The following ARHGAP24 variants were observed in gnomAD, a reference collection of about 807,000 sequenced individuals.
ARHGAP24 encodes Rho GTPase activating protein 24, also known as rho GTPase-activating protein 24.
ARHGAP24 carries 50 observed loss-of-function variants against 76.4 expected under a neutral mutation model. The observed-to-expected ratio is 0.65, with a 90% CI of 0.52 to 0.83. ARHGAP24 has a LOEUF of 0.83. ARHGAP24 is among the 40% of genes least tolerant of loss of function. ARHGAP24 has a pLI of 0.00. For synonymous variants in ARHGAP24, 345 were observed against 323.3 expected, an observed-to-expected ratio of 1.07 and a Z score of -0.72; for missense variants, 930 against 914.2, an observed-to-expected ratio of 1.02 and a Z score of -0.22.
chr4:85,991,514 A>G (rs1740320216), intron 8 of ARHGAP24: 1 of 152,176 alleles, frequency 6.6e-6, no homozygotes, highest in African/African-American at 2.4e-5. Context: ...AAGTAATACT[A>G]TTTGACAATA....
At chr4:85,690,932 G>C (rs1053690736) in intron 2 of ARHGAP24, among the ~76,000 whole-genome samples, 1 of 151,732 alleles carries the variant, frequency 6.6e-6, no homozygotes, top group Non-Finnish European at 1.5e-5. Flanking sequence ...TTAGGTGCAA[G>C]GTAAGGTTGC....
chr4:85,814,194 G>T (rs1462814975), intron 3 of ARHGAP24, among the ~76,000 whole-genome samples: 2 of 152,072 alleles, frequency 1.3e-5, no homozygotes, highest in African/African-American at 4.8e-5. Flanking sequence ...TGAGATTTGG[G>T]TAGGGATACA....
intron 1 of ARHGAP24, among the ~76,000 whole-genome samples, chr4:85,539,976 C>A (rs2110122082): frequency 6.6e-6 from 1 of 152,030 alleles, no homozygotes; most frequent in East Asian, 1.9e-4. Flanking sequence ...ACCCAGGAGG[C>A]AGAGGTTGCA....
intron 2 of ARHGAP24, among the ~76,000 whole-genome samples, chr4:85,686,850 C>A (rs1017404214): frequency 6.9e-6 from 1 of 144,814 alleles, no homozygotes; most frequent in Non-Finnish European, 1.6e-5. Context: ...GTAAATTAGT[C>A]TTCTCTGCTT....
chr4:85,909,639 T>TG (rs1015010154), intron 3 of ARHGAP24, among the ~76,000 whole-genome samples: 10 of 152,202 alleles, frequency 6.6e-5, no homozygotes, highest in Admixed American at 5.9e-4. Context: ...GTTCATTAAG[T>TG]GTTAATTAAT....
chr4:85,639,171 A>G lies in ARHGAP24; in HGVS notation c.180+68450A>G, dbSNP rs566013374. 5.3e-5 allele frequency among the ~76,000 whole-genome samples: 8 copies of G among 152,292 alleles called. No individual in the cohort carries two copies. The South Asian group carries it at 8.3e-4, about 16-fold the overall frequency. ...TGTAGCCCATGAAATTGAGAATCAG[A>G]TATGACCACTATTTCTTTAATCACA... On this transcript the variant is annotated intron_variant, in intron 2 of 9. Transcript: ENST00000395184.
chr4:85,494,173 A>G (rs1328946297), intron 1 of ARHGAP24, among the ~76,000 whole-genome samples: 1 of 152,158 alleles, frequency 6.6e-6, no homozygotes, highest in Non-Finnish European at 1.5e-5. Context: ...TTTCTTCTAA[A>G]AAAATGGTAT....
chr4:85,813,818 T>TTTTATATATATATATATATATATA (rs1553932187), intron 3 of ARHGAP24, among the ~76,000 whole-genome samples: 7 of 137,160 alleles, frequency 5.1e-5, no homozygotes, highest in African/African-American at 1.4e-4. Context: ...TATATTTATT[T>TTTTATATATATATATATATATATA]TATATATATA....
chr4:85,916,310 T>C (rs757015926), intron 3 of ARHGAP24, among the ~76,000 whole-genome samples: 8 of 152,192 alleles, frequency 5.3e-5, no homozygotes, highest in Non-Finnish European at 1.2e-4. Flanking sequence ...TTCTGGATAT[T>C]AGCCCTTCAT....
rs1031854244 is a variant in ARHGAP24 at position 86,001,662 on chromosome 4, C to G, written c.*940C>G. ...GAGCACCTGTCTCCCACTCAAACCT[C>G]TCCCATCTCCCAACAACTGCACTTT... On this transcript the variant is annotated 3_prime_UTR_variant, in exon 10 of 10. Transcript: ENST00000395184. 1 of 380,826 alleles carries G rather than the reference C, an allele frequency of 2.6e-6. No individual in the cohort carries two copies. The highest frequency in any genetic ancestry group is 3.7e-5 in the East Asian group (1 of 26,760). 23.6% of individuals were successfully genotyped at this position (380,826 alleles called of 1,614,324 possible).
chr4:85,670,562 C>A (rs1478618841), intron 2 of ARHGAP24, among the ~76,000 whole-genome samples: 1 of 152,148 alleles, frequency 6.6e-6, no homozygotes, highest in East Asian at 1.9e-4. Context: ...TGTCTCTTTT[C>A]TTGGAGAATG....
chr4:85,885,507 A>T (rs1733515042), intron 3 of ARHGAP24, among the ~76,000 whole-genome samples: 1 of 152,046 alleles, frequency 6.6e-6, no homozygotes, highest in African/African-American at 2.4e-5. Context: ...TAGAATCTTC[A>T]AGGTCGTCTT....
At chr4:85,878,495 G>T (rs897582663) in intron 3 of ARHGAP24, among the ~76,000 whole-genome samples, 1 of 152,000 alleles carries the variant, frequency 6.6e-6, no homozygotes. Context: ...AGAAGAATTC[G>T]TTAAGACCCC....
At chr4:85,614,884 C>A (rs182895529) in intron 2 of ARHGAP24, among the ~76,000 whole-genome samples, 1 of 152,182 alleles carries the variant, frequency 6.6e-6, no homozygotes, top group African/African-American at 2.4e-5. Flanking sequence ...ATCAGAGTCA[C>A]ACGAATATTT....
intron 3 of ARHGAP24, among the ~76,000 whole-genome samples, chr4:85,902,401 G>A (rs907509904): frequency 6.6e-6 from 1 of 152,152 alleles, no homozygotes; most frequent in Non-Finnish European, 1.5e-5. Flanking sequence ...GTTGCATTGA[G>A]TGGACCCAGT....
chr4:85,895,001 C>A (rs145429922), intron 3 of ARHGAP24, among the ~76,000 whole-genome samples: 2,217 of 53,442 alleles, frequency 0.041, no homozygotes, highest in East Asian at 0.22. Context: ...AAACAAAAAG[C>A]AAAAAAAAAA....
intron 2 of ARHGAP24, among the ~76,000 whole-genome samples, chr4:85,620,213 A>G (rs1034128870): frequency 2.6e-5 from 4 of 151,968 alleles, no homozygotes; most frequent in Non-Finnish European, 5.9e-5. Context: ...TTTTTCTGAA[A>G]GAGTTTCAGG....
At chr4:85,516,327 A>G (rs1248825868) in intron 1 of ARHGAP24, among the ~76,000 whole-genome samples, 1 of 152,200 alleles carries the variant, frequency 6.6e-6, no homozygotes, top group East Asian at 1.9e-4. Flanking sequence ...TGTTTTTATC[A>G]ATATTTCTTA....
chr4:85,985,245 A>G (rs984592515), intron 8 of ARHGAP24, among the ~76,000 whole-genome samples: 6 of 152,226 alleles, frequency 3.9e-5, no homozygotes, highest in Non-Finnish European at 7.3e-5. Flanking sequence ...ATGCCCATCA[A>G]TGATAGACTG....
Sources: allele counts gnomAD v4.1 joint callset (sites outside exome capture counted in the v4.1 genomes callset), GRCh38; gene constraint gnomAD v4.1.1; transcripts MANE v1.5; gene names NCBI Gene and HGNC (gene_info 2026-07-23, HGNC 2026-07-21).